Variants in LARGE2 observed in about 807,000 individuals in gnomAD.
LARGE2 encodes LARGE xylosyl- and glucuronyltransferase 2.
Under a neutral mutation model 75.3 loss-of-function variants are expected in LARGE2, and 63 were observed. The ratio of observed to expected loss-of-function variants is 0.84; its 90% CI spans 0.68 to 1.03. The LOEUF (loss-of-function observed/expected upper bound fraction) is 1.03, where lower values mean the gene tolerates loss of function less well. LARGE2 is among the 50% of genes least tolerant of loss of function. LARGE2 has a pLI of 0.00. For synonymous variants in LARGE2, 428 were observed against 420.1 expected (o/e 1.02, Z -0.23); for missense variants, 925 against 980.6 (o/e 0.94, Z 0.76).
chr11:45,924,880 T>C lies in LARGE2; in HGVS notation c.760T>C (p.Phe254Leu). Residue 254 changes from phenylalanine to leucine, a missense_variant, in exon 6 of 14, where the codon TTT becomes CTT. This residue lies in a region of LARGE2 where 453 missense variants were observed against 460.2 expected (regional missense o/e 0.98). Coordinates refer to ENST00000401752, the MANE Select transcript of LARGE2 (RefSeq NM_001300721.2). ...GCCCTGGCCTGCCTTGGGCCGGGGA[T>C]TTAACACAGGTGGGGACAGTGGTGA... is the stretch of plus-strand genomic sequence containing the variant. ...HRPWPALGRGFNTGVILLRLD... is the reference protein window; with the variant it reads ...HRPWPALGRGLNTGVILLRLD... 6.8e-7 allele frequency: 1 copy of C among 1,476,340 alleles called. No individual in the cohort carries two copies. The highest frequency in any genetic ancestry group is 9.0e-7 in the Non-Finnish European group (1 of 1,114,580). 91.5% of individuals were successfully genotyped at this position (1,476,340 alleles called of 1,614,324 possible).
upstream of LARGE2, chr11:45,921,708 G>C (rs1190465565): frequency 6.6e-6 from 1 of 152,294 alleles, no homozygotes; most frequent in African/African-American, 2.4e-5. Flanking sequence ...GTCCTGGGGC[G>C]GGAGACCCTT....
chr11:45,922,957 C>G lies in LARGE2; in HGVS notation c.75C>G (p.Leu25=). 1 of 1,307,514 alleles carries G rather than the reference C, an allele frequency of 7.6e-7. No homozygotes were observed. The highest frequency in any genetic ancestry group is 9.7e-7 in the Non-Finnish European group (1 of 1,033,286). 81.0% of individuals were successfully genotyped at this position (1,307,514 alleles called of 1,614,324 possible). The part of the protein sequence containing the change: ...LLLLLLLLGF[L]LFGGDLGCER... ...TGCTGCTGCTGCTGCTCGGATTCCT[C>G]CTGTTCGGTGGGGACCTGGGGTGTG... Residue 25 remains leucine (L), a synonymous_variant, in exon 2 of 14, where the codon CTC becomes CTG. Coordinates refer to ENST00000401752, the MANE Select transcript of LARGE2 (RefSeq NM_001300721.2).
chr11:45,925,453 C>T (rs1365435021), intron 6 of LARGE2, among the ~76,000 whole-genome samples: 1 of 152,032 alleles, frequency 6.6e-6, no homozygotes, highest in Non-Finnish European at 1.5e-5. Flanking sequence ...GTCAGGAGTT[C>T]GAGACCAACC....
rs1363012719 is a variant in LARGE2, at chr11:45,922,808, C to T, written c.-62-13C>T. 8.6e-7 allele frequency: 1 copy of T among 1,163,668 alleles called. No homozygotes were observed. The highest frequency in any genetic ancestry group is 1.1e-6 in the Non-Finnish European group (1 of 927,824). 72.1% of individuals were successfully genotyped at this position (1,163,668 alleles called of 1,614,324 possible). A position where few individuals can be genotyped will look rare whatever the true frequency, so the allele number is the denominator to read the frequency against. On this transcript the variant is annotated splice_polypyrimidine_tract_variant and intron_variant, in intron 1 of 13. Coordinates refer to ENST00000401752, the MANE Select transcript of LARGE2 (RefSeq NM_001300721.2). Reference sequence around the variant, plus strand: ...CCAGGGCTGAGTCTCCCATCTCGCCCCTCGGTCCGCAGGGCCTGCGATGGA... The same window carrying T: ...CCAGGGCTGAGTCTCCCATCTCGCCTCTCGGTCCGCAGGGCCTGCGATGGA...
At position 45,928,954 on chromosome 11, in the gene LARGE2, G is replaced by A; in HGVS notation, c.*109G>A. The A allele has an allele frequency of 7.0e-7, 1 of 1,433,480 alleles. No homozygotes were observed. Among genetic ancestry groups the A allele is most frequent in the South Asian group, 1.3e-5 (1 of 77,204 alleles). 88.8% of individuals were successfully genotyped at this position (1,433,480 alleles called of 1,614,324 possible). A position where few individuals can be genotyped will look rare whatever the true frequency, so the allele number is the denominator to read the frequency against. On this transcript the variant is annotated 3_prime_UTR_variant, in exon 14 of 14. Coordinates refer to ENST00000401752, the MANE Select transcript of LARGE2 (RefSeq NM_001300721.2). ...TTTAAGGTCTCTGGGAAGGGCTGGG[G>A]CAGAGCATCTGTGGGGTGGGGTCTT...
Position 45,928,908 on chromosome 11 carries a change from C to A in LARGE2, c.*63C>A. ...AGACACCAGGGCAACCTGCCCTCCG[C>A]CATCCCTGCTATTTAAATTATTTAA... On this transcript the variant is annotated 3_prime_UTR_variant, in exon 14 of 14. Coordinates refer to ENST00000401752, the MANE Select transcript of LARGE2 (RefSeq NM_001300721.2). 6.3e-7 allele frequency: 1 copy of A among 1,587,652 alleles called. No individual in the cohort carries two copies. Among genetic ancestry groups the A allele is most frequent in the Non-Finnish European group, 8.6e-7 (1 of 1,165,860 alleles).
upstream of LARGE2, among the ~76,000 whole-genome samples, chr11:45,922,470 C>G (rs2086950466): frequency 6.6e-6 from 1 of 152,078 alleles, no homozygotes; most frequent in Non-Finnish European, 1.5e-5. Context: ...GCTCCCCCAG[C>G]CCTCCCCTCG....
Position 45,922,971 on chromosome 11 carries a change from ACCTGGGGTGTGAGCGC to A in LARGE2, c.91_106del (p.Leu31AlafsTer81). The A allele has an allele frequency of 7.6e-7, 1 of 1,323,166 alleles. No homozygotes were observed. Among genetic ancestry groups the A allele is most frequent in the South Asian group, 2.1e-5 (1 of 48,050 alleles). The allele number at this position is 1,323,166 out of a possible 1,614,324, so 82.0% of individuals were successfully genotyped here. A position where few individuals can be genotyped will look rare whatever the true frequency, so the allele number is the denominator to read the frequency against. ...CTCGGATTCCTCCTGTTCGGTGGGG[ACCTGGGGTGTGAGCGC>A]CGCGAGCCTGGCGGGCGAGCGGGGG... On this transcript the variant is annotated frameshift_variant, in exon 2 of 14. Coordinates refer to ENST00000401752, the MANE Select transcript of LARGE2 (RefSeq NM_001300721.2). LOFTEE classifies it high-confidence loss of function.
At position 45,927,651 on chromosome 11, in the gene LARGE2, G is replaced by A. The variant is rs1161562006; in HGVS notation, c.1604+58G>A. ...TGGGGTGGACGTGGACGGGGCATGC[G>A]TGGGACCCCAGGCTTCCATGTCCCT... On this transcript the variant is annotated intron_variant, in intron 11 of 13. Transcript: ENST00000401752. The A allele has an allele frequency of 5.1e-6, 8 of 1,583,318 alleles. No homozygotes were observed. In the South Asian group the frequency reaches 7.9e-5, roughly 16 times the overall value.
intron 2 of LARGE2, 28 bp downstream of exon 2, chr11:45,923,195 A>G (rs2134715669): frequency 1.5e-6 from 2 of 1,320,720 alleles, no homozygotes; most frequent in East Asian, 3.1e-5. Flanking sequence ...TGGCGGCGGG[A>G]GTCCTGGGGG....
intron 1 of LARGE2, 23 bp downstream of exon 1, chr11:45,922,751 A>T: frequency 1.4e-6 from 1 of 708,676 alleles, no homozygotes; most frequent in Non-Finnish European, 1.9e-6. Flanking sequence ...GCTCGGCGCG[A>T]GCCGCACAAC....
chr11:45,924,393 A>T, intron 4 of LARGE2, 113 bp from the exon 5 acceptor site: 1 of 1,564,014 alleles, frequency 6.4e-7, no homozygotes, highest in Middle Eastern at 2.2e-4. Context: ...ACTGAAGCGC[A>T]AACCCCTCTC....
chr11:45,926,443 T>TG lies in LARGE2; in HGVS notation c.1011dup (p.Ile338AspfsTer50), dbSNP rs755498363. ...CCCCAACACCCTCCTGGGTCCCAGG[T>TG]GATCCACTGGAACTCACCAAAGAAG... On this transcript the variant is annotated frameshift_variant and splice_region_variant, in exon 9 of 14. Transcript: ENST00000401752. LOFTEE classifies it high-confidence loss of function. The TG allele has an allele frequency of 9.3e-6, 15 of 1,613,998 alleles. No homozygotes were observed. The highest frequency in any genetic ancestry group is 1.3e-5 in the Non-Finnish European group (15 of 1,179,996).
At position 45,928,724 on chromosome 11, in the gene LARGE2, A is replaced by T. The variant is rs1382534468; in HGVS notation, c.2045A>T (p.Tyr682Phe). 7.4e-6 allele frequency: 12 copies of T among 1,614,020 alleles called. No homozygotes were observed. Among genetic ancestry groups the T allele is most frequent in the Non-Finnish European group, 1.0e-5 (12 of 1,180,002 alleles). Reference sequence around the variant, plus strand: ...TCCCGCTTCCGCTCCAGCCCCACCTATCGTGACTGCCTCCAGGCCCTCAAG... The same window carrying T: ...TCCCGCTTCCGCTCCAGCCCCACCTTTCGTGACTGCCTCCAGGCCCTCAAG... ...DISRFRSSPTYRDCLQALKDE... is the reference protein window; with the variant it reads ...DISRFRSSPTFRDCLQALKDE... The change falls in exon 14 of 14, where the codon TAT becomes TTT. Residue 682 changes from tyrosine to phenylalanine, a missense_variant. Physicochemically the swap from Tyr to Phe is conservative, Grantham distance 22 (BLOSUM62 3). Transcript: ENST00000401752.
At chr11:45,926,646 A>G (rs2087164697) in intron 9 of LARGE2, 49 bp downstream of exon 9, 3 of 1,612,734 alleles carry the variant, frequency 1.9e-6, no homozygotes, top group African/African-American at 2.7e-5. Flanking sequence ...GGTGGGACCC[A>G]GCCTTGTCTG....
At chr11:45,925,079 C>T (rs1184223253) in intron 6 of LARGE2, among the ~76,000 whole-genome samples, 190 bp downstream of exon 6, 1 of 152,220 alleles carries the variant, frequency 6.6e-6, no homozygotes, top group Non-Finnish European at 1.5e-5. Flanking sequence ...AGCTCTCGTG[C>T]TCCCTCTGAG....
intron 3 of LARGE2, among the ~76,000 whole-genome samples, 173 bp from the exon 4 acceptor site, chr11:45,923,981 G>C (rs1441156395): frequency 1.1e-5 from 1 of 89,072 alleles, no homozygotes; most frequent in African/African-American, 5.1e-5. Flanking sequence ...GCGAGACTCC[G>C]TCTCAAAAAA....
In LARGE2 at chr11:45,927,323, T is replaced by A. The variant is rs2087195133; in HGVS notation, c.1334T>A (p.Met445Lys). 1.2e-6 allele frequency: 2 copies of A among 1,612,756 alleles called. No individual in the cohort carries two copies. Among genetic ancestry groups the A allele is most frequent in the African/African-American group, 2.7e-5 (2 of 74,926 alleles). ...VAQLSMDRLQ[M>K]LEALCRHWPG... ...CCTCCCTCTCCCCATAGGCTGCAGA[T>A]GTTGGAAGCCCTGTGCAGGCACTGG... Residue 445 changes from methionine (M) to lysine (K), a missense_variant, in exon 11 of 14, where the codon ATG becomes AAG. Met to Lys is a moderately conservative substitution (Grantham distance 95). Transcript: ENST00000401752.
In LARGE2 at chr11:45,927,309, C is replaced by G; in HGVS notation, c.1326-6C>G. The G allele has an allele frequency of 6.2e-7, 1 of 1,611,376 alleles. No homozygotes were observed. Among genetic ancestry groups the G allele is most frequent in the African/African-American group, 1.3e-5 (1 of 75,046 alleles). ...CAGAGCTGTGCTGACCTCCCTCTCC[C>G]CATAGGCTGCAGATGTTGGAAGCCC... On this transcript the variant is annotated splice_polypyrimidine_tract_variant and splice_region_variant and intron_variant, in intron 10 of 13. Transcript: ENST00000401752.
Sources: gnomAD v4.1 joint callset for allele counts (sites outside exome capture counted in the v4.1 genomes callset) on GRCh38, gnomAD v4.1.1 for gene constraint, gnomAD v4.1.1 regional missense constraint, MANE v1.5 for transcripts, NCBI Gene and HGNC (gene_info 2026-07-23, HGNC 2026-07-21) for gene names.